Variants in CFAP46 observed in about 807,000 individuals in gnomAD.
CFAP46 encodes the protein cilia and flagella associated protein 46.
CFAP46 carries 245 observed loss-of-function variants against 325.7 expected under a neutral mutation model. The ratio of observed to expected loss-of-function variants is 0.75; its 90% CI spans 0.68 to 0.84. CFAP46 has a LOEUF of 0.84. Ranked by LOEUF, CFAP46 falls within the 40% of genes least tolerant of loss-of-function variation. The pLI is 0.00. For synonymous variants in CFAP46, 1,523 were observed against 1,495.9 expected (o/e 1.02, Z -0.42); for missense variants, 3,346 against 3,543.0 (o/e 0.94, Z 1.41).
intron 8 of CFAP46, among the ~76,000 whole-genome samples, chr10:132,933,644 G>A (rs1316164915): frequency 6.6e-6 from 1 of 152,244 alleles, no homozygotes; most frequent in African/African-American, 2.4e-5. Context: ...GCCACCCTGC[G>A]GTCCTGGGGC....
rs1849034573 is a variant in CFAP46, at chr10:132,880,979, C to A, written c.3681G>T (p.Trp1227Cys). Residue 1227 changes from tryptophan (W) to cysteine (C), a missense_variant, in exon 28 of 58, where the codon TGG becomes TGT. Physicochemically the swap from Trp to Cys is radical, Grantham distance 215 (BLOSUM62 -2). Coordinates refer to ENST00000368586, the MANE Select transcript of CFAP46 (RefSeq NM_001200049.3). ...CGAGAGGAAAGTGTCTGTGATGGAG[C>A]CACTGGCCGAACTCCATGAGGTACT... Reference protein sequence around the residue: ...KVEYLMEFGQWLHHRHFPLED... With the variant: ...KVEYLMEFGQCLHHRHFPLED... 6.4e-7 allele frequency: 1 copy of A among 1,550,490 alleles called. No individual in the cohort carries two copies. Among genetic ancestry groups the A allele is most frequent in the Non-Finnish European group, 8.7e-7 (1 of 1,146,948 alleles).
intron 25 of CFAP46, among the ~76,000 whole-genome samples, chr10:132,890,286 G>C (rs768289711): frequency 6.6e-6 from 1 of 152,152 alleles, no homozygotes; most frequent in Non-Finnish European, 1.5e-5. Flanking sequence ...TGCCTCCCCA[G>C]TGCCCTGATC....
rs116603000 is a variant in CFAP46, at chr10:132,878,566, A to C, written c.4006-479T>G. Among the ~76,000 whole-genome samples the C allele has an allele frequency of 5.3e-3, 804 of 152,336 alleles. 6 individuals are homozygous for C. Among genetic ancestry groups the C allele is most frequent in the African/African-American group, 0.018 (738 of 41,600 alleles). ...GGGAGACTTGCCACTCCTTGGGTGA[A>C]TGAGTTCGAGGTCTCTAATTAAGAA... On this transcript the variant is annotated intron_variant, in intron 29 of 57. Coordinates refer to ENST00000368586, the MANE Select transcript of CFAP46 (RefSeq NM_001200049.3).
chr10:132,836,804 G>C lies in CFAP46; in HGVS notation c.6536+13C>G. 6.2e-7 allele frequency: 1 copy of C among 1,610,864 alleles called. No individual in the cohort carries two copies. Among genetic ancestry groups the C allele is most frequent in the Non-Finnish European group, 8.5e-7 (1 of 1,177,690 alleles). On this transcript the variant is annotated intron_variant, in intron 45 of 57. Coordinates refer to ENST00000368586, the MANE Select transcript of CFAP46 (RefSeq NM_001200049.3). ...GGGCTGGGGGCGGCCTCAACAAGAA[G>C]GAGCGGCTTTACCTGTCCCCTGAGA...
intron 44 of CFAP46, 107 bp downstream of exon 44, chr10:132,845,950 G>T: frequency 8.0e-7 from 1 of 1,251,848 alleles, no homozygotes; most frequent in South Asian, 1.5e-5. Context: ...CATGAGCTGG[G>T]GGGTGAGCAA....
chr10:132,838,381 A>C (rs1848300219), intron 44 of CFAP46, among the ~76,000 whole-genome samples: 1 of 152,304 alleles, frequency 6.6e-6, no homozygotes, highest in East Asian at 1.9e-4. Context: ...GTGGCGTAAA[A>C]GCCCATGCGT....
intron 47 of CFAP46, 128 bp downstream of exon 47, chr10:132,835,176 G>A: frequency 7.7e-7 from 1 of 1,298,132 alleles, no homozygotes. Context: ...CGGGTGTTGG[G>A]ATGGCCCAAG....
chr10:132,870,380 A>G (rs1193537655), intron 32 of CFAP46, among the ~76,000 whole-genome samples: 1 of 152,166 alleles, frequency 6.6e-6, no homozygotes, highest in East Asian at 1.9e-4. Context: ...CGTTAAAGAA[A>G]AGCCAAAAAT....
intron 50 of CFAP46, among the ~76,000 whole-genome samples, chr10:132,830,140 C>A (rs1848126101): frequency 6.7e-6 from 1 of 149,618 alleles, no homozygotes; most frequent in South Asian, 2.1e-4. Context: ...TTTTCTTTTT[C>A]TTTTCTTTTT....
In CFAP46 at chr10:132,902,457, T is replaced by C. The variant is rs547699462; in HGVS notation, c.2925-2791A>G. ...TGGCGTTTGCATTTCAGACACTTTATTTTTCATTTCTAGGAATTCCATTCA... is the reference window on the plus strand; with the variant it reads ...TGGCGTTTGCATTTCAGACACTTTACTTTTCATTTCTAGGAATTCCATTCA... On this transcript the variant is annotated intron_variant, in intron 22 of 57. Coordinates refer to ENST00000368586, the MANE Select transcript of CFAP46 (RefSeq NM_001200049.3). Among the ~76,000 whole-genome samples the C allele has an allele frequency of 2.0e-5, 3 of 152,388 alleles. No homozygotes were observed. The East Asian group carries it at 5.8e-4, about 29-fold the overall frequency.
At chr10:132,924,564 TTA>T in intron 11 of CFAP46, 130 bp downstream of exon 11, 1 of 872,616 alleles carries the variant, frequency 1.1e-6, no homozygotes, top group East Asian at 3.3e-5. Context: ...AGGGTGGCCC[TTA>T]TTGAGTACAG....
At chr10:132,855,720 G>A (rs1000361514) in intron 39 of CFAP46, among the ~76,000 whole-genome samples, 1 of 152,156 alleles carries the variant, frequency 6.6e-6, no homozygotes, top group Non-Finnish European at 1.5e-5. Context: ...TTGGTATGTA[G>A]TGTATGATAT....
chr10:132,885,979 G>A lies in CFAP46; in HGVS notation c.3305-20C>T. On this transcript the variant is annotated intron_variant, in intron 25 of 57. Transcript: ENST00000368586. Reference sequence around the variant, plus strand: ...CAGCCCCTGGGAGGGAGAAGGAGGGGTGTCCTTGGAGCCGCCTGATCCCTC... The same window carrying A: ...CAGCCCCTGGGAGGGAGAAGGAGGGATGTCCTTGGAGCCGCCTGATCCCTC... The A allele has an allele frequency of 1.3e-6, 2 of 1,548,318 alleles. No homozygotes were observed. The highest frequency in any genetic ancestry group is 1.7e-6 in the Non-Finnish European group (2 of 1,145,492).
At position 132,886,132 on chromosome 10, in the gene CFAP46, T is replaced by C. The variant is rs1192055912; in HGVS notation, c.3305-173A>G. Reference sequence around the variant, plus strand: ...GGCTGAAGTGAGCTGTGGACCTGCATGGCCCCTCCAGCCCCACAGTGGCCA... The same window carrying C: ...GGCTGAAGTGAGCTGTGGACCTGCACGGCCCCTCCAGCCCCACAGTGGCCA... On this transcript the variant is annotated intron_variant, in intron 25 of 57. Coordinates refer to ENST00000368586, the MANE Select transcript of CFAP46 (RefSeq NM_001200049.3). This position sits in a 1 kb window ranked among gnomAD's most constrained non-coding sequence, Gnocchi z 5.8. Among the ~76,000 whole-genome samples the C allele has an allele frequency of 6.6e-6, 1 of 152,164 alleles. No homozygotes were observed. The highest frequency in any genetic ancestry group is 1.9e-4 in the East Asian group (1 of 5,190).
rs1427707951 is a variant in CFAP46 at position 132,832,291 on chromosome 10, T to C, written c.7117+1067A>G. 6.6e-6 allele frequency among the ~76,000 whole-genome samples: 1 copy of C among 151,882 alleles called. No homozygotes were observed. The highest frequency in any genetic ancestry group is 1.5e-5 in the Non-Finnish European group (1 of 67,998). On this transcript the variant is annotated intron_variant, in intron 50 of 57. Coordinates refer to ENST00000368586, the MANE Select transcript of CFAP46 (RefSeq NM_001200049.3). This position sits in a 1 kb window ranked among gnomAD's most constrained non-coding sequence, Gnocchi z 4.1. ...TCGGAGTGGCCGTTCCTTGCAGCTC[T>C]CTCCTTCCAGGTGTCCCGCCCTGCA...
At chr10:132,821,953 G>GTGTGTGCTGTGTGTGCTGA (rs1565035761) in intron 50 of CFAP46, among the ~76,000 whole-genome samples, 6 of 130,234 alleles carry the variant, frequency 4.6e-5, no homozygotes, top group African/African-American at 1.5e-4. Context: ...GTGTGCGCTT[G>GTGTGTGCTGTGTGTGCTGA]TGTGTGCTGT....
At chr10:132,887,822 TCCTCTCCCTTCTTCTCTCTC>T (rs1849181842) in intron 25 of CFAP46, among the ~76,000 whole-genome samples, 1 of 79,906 alleles carries the variant, frequency 1.3e-5, no homozygotes, top group Non-Finnish European at 2.3e-5. Context: ...CCCTCTTCTC[TCCTCTCCCTTCTTCTCTCTC>T]CTCTCCTCTC....
intron 11 of CFAP46, among the ~76,000 whole-genome samples, chr10:132,924,302 T>C (rs4880289): frequency 0.021 from 3,131 of 152,046 alleles, 50 homozygotes; most frequent in Non-Finnish European, 0.033. Context: ...TGCATTCCTG[T>C]CACCCCTGAG....
At position 132,872,773 on chromosome 10, in the gene CFAP46, A is replaced by G; in HGVS notation, c.4414T>C (p.Cys1472Arg). ...ACGGGAACCGTGAGTTCGTGCAGGC[A>G]CATCTTCTGCAGGGCCTTGACCAGG... ...DHLVKALQKM[C>R]LHELTVPVLQ... The change falls in exon 32 of 58, where the codon TGC (cysteine) becomes CGC (arginine). Residue 1472 changes from cysteine to arginine, a missense_variant. Physicochemically the swap from Cys to Arg is radical, Grantham distance 180. Coordinates refer to ENST00000368586, the MANE Select transcript of CFAP46 (RefSeq NM_001200049.3). The G allele has an allele frequency of 1.3e-6, 2 of 1,551,072 alleles. No individual in the cohort carries two copies. Among genetic ancestry groups the G allele is most frequent in the Non-Finnish European group, 1.7e-6 (2 of 1,147,104 alleles).
Sources: gnomAD v4.1 joint callset for allele counts (sites outside exome capture counted in the v4.1 genomes callset) on GRCh38, gnomAD v4.1.1 for gene constraint, Gnocchi (gnomAD v3.1) non-coding constraint, MANE v1.5 for transcripts, NCBI Gene and HGNC (gene_info 2026-07-23, HGNC 2026-07-21) for gene names.